Variants in KNDC1 observed in about 807,000 individuals in gnomAD.
KNDC1 encodes the protein kinase non-catalytic C-lobe domain-containing protein 1.
Under a neutral mutation model 172.8 loss-of-function variants are expected in KNDC1, and 106 were observed. The ratio of observed to expected loss-of-function variants is 0.61; its 90% CI spans 0.52 to 0.72. The LOEUF is 0.72. Among genes scored for constraint, KNDC1 ranks in the 30% least tolerant of loss-of-function variants. The pLI, the probability that KNDC1 is intolerant of heterozygous loss-of-function variation, is 0.00. For missense variants in KNDC1, 2,325 were observed against 2,394.5 expected (o/e 0.97, Z 0.61); for synonymous variants, 1,083 against 1,062.2 (o/e 1.02, Z -0.38).
At position 133,207,321 on chromosome 10, in the gene KNDC1, C is replaced by T. The variant is rs565923899; in HGVS notation, c.3764C>T (p.Pro1255Leu). The change falls in exon 20 of 30, where the codon CCG (proline) becomes CTG (leucine). Residue 1255 changes from proline to leucine, a missense_variant. Transcript: ENST00000304613. ...QKARILQAGTPLGLMAYLYSS... is the reference protein window; with the variant it reads ...QKARILQAGTLLGLMAYLYSS... The stretch of plus-strand genomic sequence containing the variant: ...GCCCGCATCCTGCAGGCCGGCACGC[C>T]GCTGGGGCTCATGGCCTACCTGTAC... The T allele has an allele frequency of 1.9e-6, 3 of 1,612,786 alleles. No homozygotes were observed. The highest frequency in any genetic ancestry group is 1.1e-5 in the South Asian group (1 of 91,062).
chr10:133,199,740 C>A, intron 15 of KNDC1, 138 bp downstream of exon 15: 1 of 1,000,508 alleles, frequency 1.0e-6, no homozygotes, highest in Non-Finnish European at 1.4e-6. Flanking sequence ...AGGGGCTACC[C>A]TTGGTGGAGA....
intron 3 of KNDC1, among the ~76,000 whole-genome samples, chr10:133,173,468 G>T (rs1853435121): frequency 6.8e-6 from 1 of 147,808 alleles, no homozygotes; most frequent in Admixed American, 6.9e-5. Flanking sequence ...GCCACATAAT[G>T]TTTGCATGAT....
chr10:133,168,947 G>A (rs1246810285), intron 3 of KNDC1, among the ~76,000 whole-genome samples: 2 of 152,238 alleles, frequency 1.3e-5, no homozygotes, highest in Admixed American at 1.3e-4. Context: ...GTGGCCGGCT[G>A]GAGAGGGGCG....
In KNDC1 at chr10:133,206,751, C is replaced by A. The variant is rs773972708; in HGVS notation, c.3454C>A (p.Leu1152Ile). The change falls in exon 18 of 30, where the codon CTC becomes ATC. Residue 1152 changes from leucine (L) to isoleucine (I), a missense_variant. By Grantham distance (5) the Leu-to-Ile change is conservative. Transcript: ENST00000304613. ...CAAGACCCTGAAGTTCTACCAGAAA[C>A]TCTTACAGAAGGAAAAGAGGAACAA... ...YRKTLKFYQK[L>I]LQKEKRNKGS... 3 of 1,613,992 alleles carry A rather than the reference C, an allele frequency of 1.9e-6. No homozygotes were observed. The highest frequency in any genetic ancestry group is 2.5e-6 in the Non-Finnish European group (3 of 1,180,040).
In KNDC1 at chr10:133,206,770, G is replaced by C; in HGVS notation, c.3473G>C (p.Arg1158Thr). Residue 1158 changes from arginine (R) to threonine (T), a missense_variant, in exon 18 of 30, where the codon AGG (arginine) becomes ACG (threonine). Arg to Thr is a moderately conservative substitution (Grantham distance 71, BLOSUM62 -1). Coordinates refer to ENST00000304613, the MANE Select transcript of KNDC1 (RefSeq NM_152643.8). ...FYQKLLQKEK[R>T]NKGSDVKTML... ...CAGAAACTCTTACAGAAGGAAAAGA[G>C]GAACAAAGGTAAGGCCCCTGTGGGC... is the stretch of plus-strand genomic sequence containing the variant. 1 of 1,614,098 alleles carries C rather than the reference G, an allele frequency of 6.2e-7. No individual in the cohort carries two copies. Among genetic ancestry groups the C allele is most frequent in the Non-Finnish European group, 8.5e-7 (1 of 1,179,998 alleles).
At chr10:133,171,617 G>C (rs936929659) in intron 3 of KNDC1, among the ~76,000 whole-genome samples, 2 of 151,612 alleles carry the variant, frequency 1.3e-5, no homozygotes, top group Non-Finnish European at 2.9e-5. Flanking sequence ...TTTGTTTGTT[G>C]CTAGTCTACA....
At position 133,183,923 on chromosome 10, in the gene KNDC1, G is replaced by C. The variant is rs1564882507; in HGVS notation, c.559G>C (p.Val187Leu). 3 of 1,603,654 alleles carry C rather than the reference G, an allele frequency of 1.9e-6. No homozygotes were observed. The highest frequency in any genetic ancestry group is 1.7e-6 in the Non-Finnish European group (2 of 1,172,238). ...EKLQLTSSCR[V>L]CRSLSAVGRR... ...GCTGCAGCTCACATCCTCCTGTCGC[G>C]TGTGCCGGAGCCTCTCTGCTGTGGG... The change falls in exon 5 of 30, where the codon GTG becomes CTG. Residue 187 changes from valine to leucine, a missense_variant. Val to Leu is a conservative substitution (Grantham distance 32). Coordinates refer to ENST00000304613, the MANE Select transcript of KNDC1 (RefSeq NM_152643.8).
intron 3 of KNDC1, 147 bp downstream of exon 3, chr10:133,168,459 G>T (rs1456622853): frequency 2.6e-5 from 21 of 813,086 alleles, no homozygotes; most frequent in Non-Finnish European, 4.1e-5. Flanking sequence ...GGTTCACTGG[G>T]CTATAGGGAC....
chr10:133,201,616 G>C lies in KNDC1; in HGVS notation c.3105G>C (p.Arg1035=), dbSNP rs1409852089. 1 of 1,613,112 alleles carries C rather than the reference G, an allele frequency of 6.2e-7. No individual in the cohort carries two copies. Among genetic ancestry groups the C allele is most frequent in the South Asian group, 1.1e-5 (1 of 91,084 alleles). ...GGGGAAACTTCGAGGTGGGGTTTCG[G>C]CCTCAGAGGTCCGTAAAAGCCGAGA... ...LSRGNFEVGF[R]PQRSVKAERA... is the part of the protein sequence containing the mutation. Residue 1035 remains arginine (R), a synonymous_variant, in exon 17 of 30, where the codon CGG becomes CGC. Coordinates refer to ENST00000304613, the MANE Select transcript of KNDC1 (RefSeq NM_152643.8).
intron 28 of KNDC1, among the ~76,000 whole-genome samples, chr10:133,219,595 C>T (rs1845539437): frequency 6.6e-6 from 1 of 152,246 alleles, no homozygotes; most frequent in East Asian, 1.9e-4. Context: ...CTTTGCTGGA[C>T]ACGCAGACAC....
chr10:133,222,464 AGAGCCCATCCAGGCATGCTCTTCCCGGT>A (rs1845620406), intron 29 of KNDC1, among the ~76,000 whole-genome samples: 1 of 41,042 alleles, frequency 2.4e-5, no homozygotes, highest in Non-Finnish European at 5.4e-5. Context: ...TGTGTGTGTG[AGAGCCCATCCAGGCATGCTCTTCCCGGT>A]GTGTGTGTGT....
At chr10:133,218,650 C>T (rs1845516805) in intron 26 of KNDC1, among the ~76,000 whole-genome samples, 181 bp from the exon 27 acceptor site, 1 of 152,214 alleles carries the variant, frequency 6.6e-6, no homozygotes, top group African/African-American at 2.4e-5. Flanking sequence ...CACCCCGTCC[C>T]GCCAGCCCAG....
intron 21 of KNDC1, among the ~76,000 whole-genome samples, chr10:133,211,009 G>A (rs1845352144): frequency 2.0e-5 from 3 of 152,120 alleles, no homozygotes; most frequent in African/African-American, 7.2e-5. Flanking sequence ...GAAAGCGGAG[G>A]GCAGGTGGGC....
chr10:133,180,180 T>C (rs1853673677), intron 3 of KNDC1, among the ~76,000 whole-genome samples: 1 of 152,248 alleles, frequency 6.6e-6, no homozygotes, highest in African/African-American at 2.4e-5. Flanking sequence ...TGTTTCTCCA[T>C]GTATCGCTGT....
intron 3 of KNDC1, among the ~76,000 whole-genome samples, chr10:133,169,919 C>T (rs1160678292): frequency 1.3e-5 from 2 of 152,234 alleles, no homozygotes; most frequent in Non-Finnish European, 2.9e-5. Flanking sequence ...CCGTGGGACT[C>T]GCATTCCTTC....
At chr10:133,219,919 G>A in intron 28 of KNDC1, 36 bp from the exon 29 acceptor site, 2 of 1,539,340 alleles carry the variant, frequency 1.3e-6, no homozygotes, top group Non-Finnish European at 8.8e-7. Flanking sequence ...ACCACGCCCT[G>A]TCTCTCCCCG....
chr10:133,204,604 G>A (rs889218639), intron 17 of KNDC1, among the ~76,000 whole-genome samples: 1 of 152,218 alleles, frequency 6.6e-6, no homozygotes, highest in East Asian at 1.9e-4. Context: ...CAGGGACCCC[G>A]TCTCCATGGA....
Position 133,201,677 on chromosome 10 carries a change from C to G in KNDC1, c.3166C>G (p.Pro1056Ala). 3 of 1,612,568 alleles carry G rather than the reference C, an allele frequency of 1.9e-6. No homozygotes were observed. The highest frequency in any genetic ancestry group is 2.5e-6 in the Non-Finnish European group (3 of 1,179,862). The change falls in exon 17 of 30, where the codon CCA (proline) becomes GCA (alanine). Residue 1056 changes from proline to alanine, a missense_variant. Coordinates refer to ENST00000304613, the MANE Select transcript of KNDC1 (RefSeq NM_152643.8). ...GCCTGAGGCTGGCGAGGACAGACGG[C>G]CAGCTGGCGGGGCCTCAGACGTGGA... ...QQPEAGEDRR[P>A]AGGASDVEAV...
intron 5 of KNDC1, among the ~76,000 whole-genome samples, chr10:133,184,814 C>T (rs1853844402): frequency 6.6e-6 from 1 of 152,278 alleles, no homozygotes; most frequent in South Asian, 2.1e-4. Context: ...GCATTGGTGC[C>T]AGGCATCTGG....
Sources: gnomAD v4.1 joint callset for allele counts (sites outside exome capture counted in the v4.1 genomes callset) on GRCh38, gnomAD v4.1.1 for gene constraint, MANE v1.5 for transcripts, NCBI Gene and HGNC (gene_info 2026-07-23, HGNC 2026-07-21) for gene names.